The following RBM47 variants were observed in gnomAD, a reference collection of about 807,000 sequenced individuals.
The protein encoded by RBM47 is RNA-binding protein 47.
RBM47 carries 21 observed loss-of-function variants against 47.1 expected under a neutral mutation model. The ratio of observed to expected loss-of-function variants is 0.45; its 90% CI spans 0.32 to 0.64. The LOEUF (loss-of-function observed/expected upper bound fraction) is 0.64. RBM47 is among the 30% of genes least tolerant of loss of function. The pLI is 0.05. For missense variants in RBM47, 708 were observed against 870.9 expected (o/e 0.81, Z 2.35); for synonymous variants, 375 against 361.7 (o/e 1.04, Z -0.42).
chr4:40,534,981 G>C (rs1727796823), intron 2 of RBM47, among the ~76,000 whole-genome samples: 1 of 151,602 alleles, frequency 6.6e-6, no homozygotes, highest in Non-Finnish European at 1.5e-5. Flanking sequence ...GACTGACGTA[G>C]GTATGTGAGC....
At chr4:40,452,659 C>T (rs995358427) in intron 3 of RBM47, among the ~76,000 whole-genome samples, 3 of 150,306 alleles carry the variant, frequency 2.0e-5, no homozygotes, top group Non-Finnish European at 4.4e-5. Context: ...TATAAACATC[C>T]GCCTTTTCAT....
At chr4:40,517,329 G>C (rs1725700465) in intron 2 of RBM47, among the ~76,000 whole-genome samples, 1 of 152,062 alleles carries the variant, frequency 6.6e-6, no homozygotes, top group African/African-American at 2.4e-5. Flanking sequence ...TAGAGACAGG[G>C]TTTCACCATG....
At chr4:40,553,683 C>T (rs1325317977) in intron 1 of RBM47, among the ~76,000 whole-genome samples, 1 of 152,140 alleles carries the variant, frequency 6.6e-6, no homozygotes, top group African/African-American at 2.4e-5. Context: ...TTCTTCTTCA[C>T]CAAGGCACTC....
At chr4:40,587,420 C>A (rs1161467553) in intron 1 of RBM47, among the ~76,000 whole-genome samples, 1 of 152,108 alleles carries the variant, frequency 6.6e-6, no homozygotes, top group Non-Finnish European at 1.5e-5. Flanking sequence ...AACATCTATC[C>A]ATTCAATAAA....
At chr4:40,542,831 C>T (rs555710898) in intron 2 of RBM47, 2 of 152,234 alleles carry the variant, frequency 1.3e-5, no homozygotes, top group East Asian at 3.9e-4. Flanking sequence ...GCCACTCTGG[C>T]TAGCTTAGGT....
intron 1 of RBM47, among the ~76,000 whole-genome samples, chr4:40,553,849 A>G (rs957082258): frequency 1.1e-4 from 17 of 152,316 alleles, no homozygotes; most frequent in African/African-American, 3.1e-4. Flanking sequence ...TTGAATTCAG[A>G]GTGCTGAACA....
chr4:40,556,365 G>C (rs894224364), intron 1 of RBM47, among the ~76,000 whole-genome samples: 7 of 150,390 alleles, frequency 4.7e-5, no homozygotes. Context: ...TACACTATGA[G>C]GTTAAGTAAT....
intron 1 of RBM47, among the ~76,000 whole-genome samples, chr4:40,595,943 A>G (rs1004708722): frequency 3.9e-5 from 6 of 152,240 alleles, no homozygotes; most frequent in Middle Eastern, 3.4e-3. Context: ...TATTTGCTCA[A>G]TTACTTTTTG....
chr4:40,468,578 T>C (rs1316356747), intron 2 of RBM47, among the ~76,000 whole-genome samples: 3 of 152,226 alleles, frequency 2.0e-5, no homozygotes, highest in Non-Finnish European at 2.9e-5. Flanking sequence ...CTGGATTAAA[T>C]GGCCTTTAAT....
rs1734462415 is a variant in RBM47 at position 40,593,594 on chromosome 4, G to C, written c.-240+35802C>G. Among the ~76,000 whole-genome samples the C allele has an allele frequency of 2.0e-5, 3 of 151,898 alleles. No individual in the cohort carries two copies. The South Asian group carries it at 6.2e-4, about 31-fold the overall frequency. On this transcript the variant is annotated intron_variant, in intron 1 of 6. Coordinates refer to ENST00000295971, the MANE Select transcript of RBM47 (RefSeq NM_001098634.2). ...CTACTAAAAATACAAAAATTAGCTG[G>C]ACACAGCTGGGCACGGTGGCTCACG...
intron 1 of RBM47, among the ~76,000 whole-genome samples, chr4:40,586,417 G>T (rs1210537420): frequency 3.3e-5 from 5 of 151,842 alleles, no homozygotes; most frequent in Non-Finnish European, 7.4e-5. Context: ...TTTCTCCTGG[G>T]TGTGGAGTCA....
At chr4:40,610,590 G>A (rs1476541707) in intron 1 of RBM47, among the ~76,000 whole-genome samples, 3 of 132,386 alleles carry the variant, frequency 2.3e-5, no homozygotes, top group Middle Eastern at 5.5e-3. Flanking sequence ...AGCCTGGGGC[G>A]ACAGAGTGAG....
At chr4:40,540,972 A>G (rs573187813) in intron 2 of RBM47, among the ~76,000 whole-genome samples, 2 of 152,130 alleles carry the variant, frequency 1.3e-5, no homozygotes, top group South Asian at 4.1e-4. Context: ...CATCTCAAAG[A>G]AAGTCAGGAA....
chr4:40,583,524 G>T (rs752110905), intron 1 of RBM47, among the ~76,000 whole-genome samples: 2 of 151,584 alleles, frequency 1.3e-5, no homozygotes, highest in African/African-American at 2.4e-5. Flanking sequence ...AATGTAGTGA[G>T]ACCCTGCCTC....
chr4:40,603,457 G>A lies in RBM47; in HGVS notation c.-240+25939C>T, dbSNP rs146581304. Reference sequence around the variant, plus strand: ...GAACATATGTATAAATTTCTGTTGAGTATATAACCTAGGAGTGGAATCACT... The same window carrying A: ...GAACATATGTATAAATTTCTGTTGAATATATAACCTAGGAGTGGAATCACT... On this transcript the variant is annotated intron_variant, in intron 1 of 6. Coordinates refer to ENST00000295971, the MANE Select transcript of RBM47 (RefSeq NM_001098634.2). 4.1e-3 allele frequency among the ~76,000 whole-genome samples: 621 copies of A among 152,214 alleles called. 1 individual carries two copies. Among genetic ancestry groups the A allele is most frequent in the Non-Finnish European group, 6.5e-3 (442 of 68,002 alleles).
At chr4:40,521,510 T>C (rs1726188053) in intron 2 of RBM47, among the ~76,000 whole-genome samples, 1 of 152,252 alleles carries the variant, frequency 6.6e-6, no homozygotes, top group Non-Finnish European at 1.5e-5. Flanking sequence ...CTATTTATTT[T>C]ATTAAGTCTC....
intron 2 of RBM47, among the ~76,000 whole-genome samples, chr4:40,495,007 A>AT (rs1246962393): frequency 1.3e-5 from 2 of 152,048 alleles, no homozygotes; most frequent in African/African-American, 4.8e-5. Flanking sequence ...GAGTCTCACT[A>AT]TGTTGCCTAG....
chr4:40,459,895 T>C (rs1400563092), intron 3 of RBM47, among the ~76,000 whole-genome samples: 6 of 152,170 alleles, frequency 3.9e-5, no homozygotes, highest in Non-Finnish European at 7.4e-5. Context: ...GCTGGGATTA[T>C]AGGCATGTGC....
At chr4:40,462,522 A>G (rs1717317917) in intron 3 of RBM47, among the ~76,000 whole-genome samples, 1 of 152,006 alleles carries the variant, frequency 6.6e-6, no homozygotes, top group Non-Finnish European at 1.5e-5. Flanking sequence ...GGATTTCTTC[A>G]AGCATATTTA....
Sources: gnomAD v4.1 joint callset for allele counts (sites outside exome capture counted in the v4.1 genomes callset) on GRCh38, gnomAD v4.1.1 for gene constraint, MANE v1.5 for transcripts, NCBI Gene and HGNC (gene_info 2026-07-23, HGNC 2026-07-21) for gene names.